The following NARF variants were observed in gnomAD, a reference collection of about 807,000 sequenced individuals.
NARF encodes the protein nuclear prelamin A recognition factor, also known as iron-only hydrogenase-like protein 2.
A neutral mutation model predicts 48.0 loss-of-function variants in NARF; 41 were observed. The observed-to-expected ratio is 0.85, with a 90% CI of 0.66 to 1.11. The LOEUF (loss-of-function observed/expected upper bound fraction) is 1.11. Among genes scored for constraint, NARF ranks in the 50% least tolerant of loss-of-function variants. The pLI, the probability that NARF is intolerant of heterozygous loss-of-function variation, is 0.00. For synonymous variants in NARF, 215 were observed against 225.5 expected (o/e 0.95, Z 0.42); for missense variants, 613 against 590.2 (o/e 1.04, Z -0.40).
Position 82,485,626 on chromosome 17 carries a change from C to G in NARF, c.1101C>G (p.His367Gln), listed in dbSNP as rs1191473597. Reference protein sequence around the residue: ...LKLKKGKFPFHFVEVLACAGG... With the variant: ...LKLKKGKFPFQFVEVLACAGG... ...TTAAGAAGGGCAAGTTCCCATTCCA[C>G]TTTGTGGAGGTCCTCGCCTGTGCTG... The change falls in exon 10 of 11, where the codon CAC (histidine) becomes CAG (glutamine). Residue 367 changes from histidine (H) to glutamine (Q), a missense_variant. Physicochemically the swap from His to Gln is conservative, Grantham distance 24. Transcript: ENST00000309794. 6.2e-7 allele frequency: 1 copy of G among 1,614,190 alleles called. No homozygotes were observed. Among genetic ancestry groups the G allele is most frequent in the Non-Finnish European group, 8.5e-7 (1 of 1,180,042 alleles).
rs1384777709 is a variant in NARF, at chr17:82,472,730, G to A, written c.520+32G>A. 4 of 1,593,366 alleles carry A rather than the reference G, an allele frequency of 2.5e-6. No homozygotes were observed. In the South Asian group the frequency reaches 3.4e-5, roughly 13 times the overall value. Reference sequence around the variant, plus strand: ...CCCTGGACCCCCGCTCTGTTGGCCTGAGGTGCCAAAAGAGGTTTCACAAGA... The same window carrying A: ...CCCTGGACCCCCGCTCTGTTGGCCTAAGGTGCCAAAAGAGGTTTCACAAGA... On this transcript the variant is annotated intron_variant, in intron 5 of 10. Coordinates refer to ENST00000309794, the MANE Select transcript of NARF (RefSeq NM_012336.4).
chr17:82,486,445 G>A (rs574263618), intron 10 of NARF, among the ~76,000 whole-genome samples: 1 of 152,308 alleles, frequency 6.6e-6, no homozygotes, highest in African/African-American at 2.4e-5. Context: ...GAAGCCACAG[G>A]ATGGGAGGGG....
chr17:82,481,894 C>T (rs1476181682), intron 7 of NARF: 1 of 327,184 alleles, frequency 3.1e-6, no homozygotes, highest in South Asian at 2.3e-5. Context: ...GCACTTAAAA[C>T]ACAAGTGAAG....
At chr17:82,461,029 C>T (rs1309687126) in intron 2 of NARF, 1 of 152,166 alleles carries the variant, frequency 6.6e-6, no homozygotes, top group Non-Finnish European at 1.5e-5. Flanking sequence ...ATTCTCCTGC[C>T]TCAGCCTCCC....
At position 82,487,962 on chromosome 17, in the gene NARF, G is replaced by A. The variant is rs758872790; in HGVS notation, c.1176G>A (p.Ala392=). The stretch of plus-strand genomic sequence containing the variant: ...AAGCCCAGACTCCAGACGGACATGC[G>A]GATAAGGCCCTGCTGCGGCAGATGG... The part of the protein sequence containing the change: ...RGQAQTPDGH[A]DKALLRQMEG... The change falls in exon 11 of 11, where the codon GCG becomes GCA. Residue 392 remains alanine, a synonymous_variant. Coordinates refer to ENST00000309794, the MANE Select transcript of NARF (RefSeq NM_012336.4). The A allele has an allele frequency of 2.5e-5, 41 of 1,614,094 alleles. No individual in the cohort carries two copies. The highest frequency in any genetic ancestry group is 3.2e-5 in the Non-Finnish European group (38 of 1,180,052).
intron 7 of NARF, chr17:82,483,502 G>A: frequency 1.9e-6 from 1 of 533,120 alleles, no homozygotes; most frequent in South Asian, 2.1e-5. Context: ...AAAGAGGAAT[G>A]GAAAGAGGAG....
At chr17:82,467,476 T>G (rs2043597311) in intron 3 of NARF, among the ~76,000 whole-genome samples, 1 of 151,688 alleles carries the variant, frequency 6.6e-6, no homozygotes, top group Non-Finnish European at 1.5e-5. Context: ...CCTGGTAACT[T>G]TTTTTTTATT....
At chr17:82,458,944 G>GC (rs1439882932) in intron 1 of NARF, 114 bp downstream of exon 1, 10 of 1,228,182 alleles carry the variant, frequency 8.1e-6, no homozygotes, top group Non-Finnish European at 9.1e-6. Context: ...TCTTCAAGGC[G>GC]CCCCCGGCCT....
intron 7 of NARF, chr17:82,482,668 T>C (rs2043999961): frequency 6.5e-6 from 1 of 152,702 alleles, no homozygotes; most frequent in Admixed American, 6.5e-5. Flanking sequence ...AATAAACAAT[T>C]GTCATATAAA....
intron 3 of NARF, among the ~76,000 whole-genome samples, chr17:82,467,983 C>A (rs2043609999): frequency 6.6e-6 from 1 of 152,068 alleles, no homozygotes; most frequent in African/African-American, 2.4e-5. Context: ...TTGAAATTGA[C>A]AAAGTCTTTT....
At chr17:82,466,552 A>G (rs1262248343) in intron 3 of NARF, among the ~76,000 whole-genome samples, 1 of 152,000 alleles carries the variant, frequency 6.6e-6, no homozygotes, top group Non-Finnish European at 1.5e-5. Context: ...TCCTGGGTTC[A>G]AGCAATTCTC....
At chr17:82,480,462 G>T in intron 6 of NARF, 2 of 401,832 alleles carry the variant, frequency 5.0e-6, no homozygotes, top group Admixed American at 4.4e-5. Context: ...TCCACTGGCT[G>T]GGGGGCTTTG....
rs138884508 is a variant in NARF, at chr17:82,459,992, G to A, written c.28G>A (p.Glu10Lys). 2.4e-5 allele frequency: 38 copies of A among 1,612,550 alleles called. No homozygotes were observed. The highest frequency in any genetic ancestry group is 9.3e-5 in the African/African-American group (7 of 74,890). Residue 10 changes from glutamate to lysine, a missense_variant and splice_region_variant, in exon 2 of 11, where the codon GAA becomes AAA. Coordinates refer to ENST00000309794, the MANE Select transcript of NARF (RefSeq NM_012336.4). ...GATAATGTTCCTTTGCTTTTTTAAG[G>A]AATGTAGTAAGAAAACAAAAACTGA... MKCEHCTRK[E>K]CSKKTKTDDQ...
chr17:82,458,935 C>T, intron 1 of NARF, 105 bp downstream of exon 1: 1 of 1,234,046 alleles, frequency 8.1e-7, no homozygotes, highest in Non-Finnish European at 1.0e-6. Context: ...CTTCAGGGCT[C>T]TTCAAGGCGC....
intron 7 of NARF, 35 bp from the exon 8 acceptor site, chr17:82,483,681 G>T (rs373011709): frequency 9.5e-5 from 153 of 1,609,046 alleles, no homozygotes; most frequent in Admixed American, 5.0e-5. Flanking sequence ...GTGGCCACCT[G>T]TGTCTTTTCA....
chr17:82,481,795 C>A, intron 7 of NARF: 1 of 428,464 alleles, frequency 2.3e-6, no homozygotes, highest in South Asian at 1.7e-5. Flanking sequence ...GTGGCCCTAA[C>A]TTTACATTAC....
intron 10 of NARF, among the ~76,000 whole-genome samples, chr17:82,486,343 G>GC (rs1567948001): frequency 6.6e-6 from 1 of 152,120 alleles, no homozygotes; most frequent in African/African-American, 2.4e-5. Context: ...TGTGAGTCGG[G>GC]GGGGGCACCA....
chr17:82,474,414 G>A (rs543908581), intron 5 of NARF, among the ~76,000 whole-genome samples: 1 of 151,968 alleles, frequency 6.6e-6, no homozygotes, highest in East Asian at 1.9e-4. Flanking sequence ...TTTCAATTCT[G>A]GAAAAATAGA....
chr17:82,465,329 A>G (rs1366124941), intron 3 of NARF, among the ~76,000 whole-genome samples: 1 of 152,210 alleles, frequency 6.6e-6, no homozygotes, highest in Non-Finnish European at 1.5e-5. Flanking sequence ...AGAAAGAGAC[A>G]AAGGCAGATG....
Sources: allele counts gnomAD v4.1 joint callset (sites outside exome capture counted in the v4.1 genomes callset), GRCh38; gene constraint gnomAD v4.1.1; transcripts MANE v1.5; gene names NCBI Gene and HGNC (gene_info 2026-07-23, HGNC 2026-07-21).